Variants in MTSS1 observed in about 807,000 individuals in gnomAD.
MTSS1 encodes the protein MTSS I-BAR domain containing 1.
MTSS1 carries 18 observed loss-of-function variants against 79.0 expected under a neutral mutation model. That is an observed-to-expected ratio of 0.23 (90% CI 0.16 to 0.34). The LOEUF is 0.34. Among genes scored for constraint, MTSS1 ranks in the 10% least tolerant of loss-of-function variants. MTSS1 has a pLI of 1.00. For synonymous variants in MTSS1, 341 were observed against 368.6 expected (o/e 0.93, Z 0.86); for missense variants, 815 against 986.2 (o/e 0.83, Z 2.33).
In MTSS1 at chr8:124,683,253, T is replaced by TA. The variant is rs1587787556; in HGVS notation, c.208+16272dup. Among the ~76,000 whole-genome samples the TA allele has an allele frequency of 6.6e-6, 1 of 152,112 alleles. No homozygotes were observed. The highest frequency in any genetic ancestry group is 2.1e-4 in the South Asian group (1 of 4,814). On this transcript the variant is annotated intron_variant, in intron 3 of 13. Coordinates refer to ENST00000518547, the MANE Select transcript of MTSS1 (RefSeq NM_014751.6). This position sits in a 1 kb window ranked among gnomAD's most constrained non-coding sequence, Gnocchi z 4.5. ...TTAAAAAGGAAGCAGCCCACAATTTTAAAAAAATGAAATTTAAAAAATGGA... is the reference window on the plus strand; with the variant it reads ...TTAAAAAGGAAGCAGCCCACAATTTTAAAAAAAATGAAATTTAAAAAATGGA...
At chr8:124,564,290 G>C (rs1025463813) in intron 9 of MTSS1, among the ~76,000 whole-genome samples, 3 of 152,122 alleles carry the variant, frequency 2.0e-5, no homozygotes, top group Non-Finnish European at 4.4e-5. Flanking sequence ...GGCTGGGATA[G>C]GAAAAGTCAT....
intron 1 of MTSS1, among the ~76,000 whole-genome samples, chr8:124,709,743 G>T (rs1170446682): frequency 7.2e-5 from 11 of 152,088 alleles, no homozygotes; most frequent in Admixed American, 2.0e-4. Flanking sequence ...TGAGAGATGG[G>T]GCTTCCCTGA....
rs180777341 is a variant in MTSS1 at position 124,590,348 on chromosome 8, C to G, written c.294-637G>C. On this transcript the variant is annotated intron_variant, in intron 4 of 13. Transcript: ENST00000518547. Reference sequence around the variant, plus strand: ...AAGACACCTGGGCCTTATCTCACCCCCAATGGAGACTTTGAGGGTGGGGCC... The same window carrying G: ...AAGACACCTGGGCCTTATCTCACCCGCAATGGAGACTTTGAGGGTGGGGCC... Among the ~76,000 whole-genome samples the G allele has an allele frequency of 5.3e-5, 8 of 152,322 alleles. No homozygotes were observed. The East Asian group carries it at 1.4e-3, about 26-fold the overall frequency.
intron 3 of MTSS1, among the ~76,000 whole-genome samples, chr8:124,666,890 G>A (rs548084704): frequency 6.6e-5 from 10 of 152,294 alleles, no homozygotes; most frequent in Admixed American, 1.3e-4. Context: ...TCCATCAGCA[G>A]TAGGGAGAGG....
At chr8:124,671,259 T>C (rs1416940993) in intron 3 of MTSS1, among the ~76,000 whole-genome samples, 1 of 152,100 alleles carries the variant, frequency 6.6e-6, no homozygotes, top group Admixed American at 6.6e-5. Context: ...CCTGACCTCA[T>C]GACCCGCACC....
intron 3 of MTSS1, among the ~76,000 whole-genome samples, chr8:124,660,474 C>CACT (rs1821829530): frequency 3.9e-5 from 4 of 102,926 alleles, no homozygotes; most frequent in Non-Finnish European, 8.7e-5. Flanking sequence ...ACACACACAC[C>CACT]CTCAAGCTGA....
intron 3 of MTSS1, among the ~76,000 whole-genome samples, chr8:124,652,106 A>T (rs904415424): frequency 2.6e-5 from 4 of 152,230 alleles, no homozygotes; most frequent in Admixed American, 2.0e-4. Context: ...AGTAAGAATC[A>T]TAAGCTGTTT....
rs145863890 is a variant in MTSS1 at position 124,582,761 on chromosome 8, T to C, written c.460+2326A>G. On this transcript the variant is annotated intron_variant, in intron 6 of 13. Coordinates refer to ENST00000518547, the MANE Select transcript of MTSS1 (RefSeq NM_014751.6). This position sits in a 1 kb window ranked among gnomAD's most constrained non-coding sequence, Gnocchi z 4.8. ...AAACAGATCCCTCGAGGTGTTCTAGTAGAAAGGGAAATGTCAGCTAACCAG... is the reference window on the plus strand; with the variant it reads ...AAACAGATCCCTCGAGGTGTTCTAGCAGAAAGGGAAATGTCAGCTAACCAG... Among the ~76,000 whole-genome samples, 1 of 152,296 alleles carries C rather than the reference T, an allele frequency of 6.6e-6. No homozygotes were observed. Among genetic ancestry groups the C allele is most frequent in the Non-Finnish European group, 1.5e-5 (1 of 68,026 alleles).
chr8:124,560,539 T>A (rs149219573), intron 10 of MTSS1, among the ~76,000 whole-genome samples: 112 of 152,264 alleles, frequency 7.4e-4, no homozygotes, highest in African/African-American at 2.5e-3. Flanking sequence ...TAGTCCCAGC[T>A]ACTTGGTAGG....
intron 1 of MTSS1, among the ~76,000 whole-genome samples, chr8:124,709,962 A>G (rs1000534491): frequency 6.6e-6 from 1 of 152,176 alleles, no homozygotes; most frequent in African/African-American, 2.4e-5. Context: ...CACATCATAC[A>G]GTTTGCTGTC....
chr8:124,586,681 C>T (rs969467537), intron 5 of MTSS1, among the ~76,000 whole-genome samples: 4 of 152,126 alleles, frequency 2.6e-5, no homozygotes, highest in Admixed American at 1.3e-4. Flanking sequence ...GCTGTGTCAC[C>T]GAGGCTGGGG....
At chr8:124,641,069 AAAAC>A (rs1817951584) in intron 3 of MTSS1, among the ~76,000 whole-genome samples, 1 of 152,136 alleles carries the variant, frequency 6.6e-6, no homozygotes, top group African/African-American at 2.4e-5. Flanking sequence ...CAAAAAAAAA[AAAAC>A]AAGTCTGGGG....
chr8:124,646,900 CTCGAACTCTGGCCTCAAATGGTCCTCCCA>C lies in MTSS1; in HGVS notation c.208+52597_208+52625del, dbSNP rs1311140107. 1.4e-3 allele frequency among the ~76,000 whole-genome samples: 213 copies of C among 152,274 alleles called. 1 individual carries two copies. The highest frequency in any genetic ancestry group is 4.5e-3 in the African/African-American group (188 of 41,552). ...TGGCTCTACCATGGCTCACTGCAGC[CTCGAACTCTGGCCTCAAATGGTCCTCCCA>C]TCGAACTCTGGCCTCAAATGGTCCT... On this transcript the variant is annotated intron_variant, in intron 3 of 13. Coordinates refer to ENST00000518547, the MANE Select transcript of MTSS1 (RefSeq NM_014751.6).
chr8:124,707,879 G>T (rs1243189772), intron 1 of MTSS1, among the ~76,000 whole-genome samples: 1 of 152,070 alleles, frequency 6.6e-6, no homozygotes, highest in Non-Finnish European at 1.5e-5. Flanking sequence ...CTGTCTCAAA[G>T]AAACAAAGCC....
intron 3 of MTSS1, among the ~76,000 whole-genome samples, chr8:124,647,775 G>A (rs1279809812): frequency 2.0e-5 from 3 of 152,116 alleles, no homozygotes; most frequent in Admixed American, 1.3e-4. Context: ...CTATATAGAC[G>A]TATCCTTGAT....
intron 3 of MTSS1, among the ~76,000 whole-genome samples, chr8:124,660,432 GCACACACACACA>G (rs5894719): frequency 4.1e-4 from 58 of 140,796 alleles, no homozygotes; most frequent in African/African-American, 1.2e-3. Flanking sequence ...CCATGCGCAT[GCACACACACACA>G]CACACACACA....
chr8:124,662,093 G>A (rs146056093), intron 3 of MTSS1, among the ~76,000 whole-genome samples: 145 of 152,292 alleles, frequency 9.5e-4, no homozygotes, highest in Middle Eastern at 3.4e-3. Context: ...GAAAGGCAGG[G>A]GTGGCATGTT....
At chr8:124,710,700 T>A (rs1831034066) in intron 1 of MTSS1, among the ~76,000 whole-genome samples, 1 of 152,118 alleles carries the variant, frequency 6.6e-6, no homozygotes. Context: ...GTGTAGCTCA[T>A]CAGCACGGCT....
chr8:124,581,287 C>CAAA (rs10616707), intron 6 of MTSS1, among the ~76,000 whole-genome samples: 7,775 of 100,704 alleles, frequency 0.077, 331 homozygotes, highest in Non-Finnish European at 0.12. Flanking sequence ...GATGCTGACT[C>CAAA]AAAAAAAAAA....
Sources: allele counts gnomAD v4.1 joint callset (sites outside exome capture counted in the v4.1 genomes callset), GRCh38; gene constraint gnomAD v4.1.1; non-coding constraint Gnocchi (gnomAD v3.1); transcripts MANE v1.5; gene names NCBI Gene and HGNC (gene_info 2026-07-23, HGNC 2026-07-21).